Variants in CRTAP observed in about 807,000 individuals in gnomAD.
The protein encoded by CRTAP is cartilage-associated protein.
In CRTAP, 33 loss-of-function variants were observed where a neutral mutation model predicts 42.7. The observed-to-expected ratio is 0.77, with a 90% CI of 0.59 to 1.03. The LOEUF (loss-of-function observed/expected upper bound fraction) is 1.03, where lower values mean the gene tolerates loss of function less well. Among genes scored for constraint, CRTAP ranks in the 50% least tolerant of loss-of-function variants. The pLI is 0.00. For missense variants in CRTAP, 613 were observed against 533.9 expected (o/e 1.15, Z -1.46); for synonymous variants, 243 against 217.7 (o/e 1.12, Z -1.02).
Position 33,133,005 on chromosome 3 carries a change from G to GA in CRTAP, c.1068+305_1068+306insA, listed in dbSNP as rs11414035. ...AGGCAGAAGAATCGCTTGAACCCAGGGGCAGAGGTTGCTGTGAGCCGAGAT... is the reference window on the plus strand; with the variant it reads ...AGGCAGAAGAATCGCTTGAACCCAGGAGGCAGAGGTTGCTGTGAGCCGAGAT... On this transcript the variant is annotated intron_variant, in intron 5 of 6. Coordinates refer to ENST00000320954, the MANE Select transcript of CRTAP (RefSeq NM_006371.5). Among the ~76,000 whole-genome samples the GA allele has an allele frequency of 0.76, 115,008 of 151,200 alleles. 44,246 individuals carry two copies. Among genetic ancestry groups the GA allele is most frequent in the East Asian group, 0.96 (4,929 of 5,114 alleles).
At chr3:33,140,787 T>C (rs552921435) in intron 6 of CRTAP, among the ~76,000 whole-genome samples, 2 of 152,148 alleles carry the variant, frequency 1.3e-5, no homozygotes, top group Admixed American at 6.5e-5. Context: ...ATTGAGGGAG[T>C]GCTCTCAGGT....
At chr3:33,123,925 A>G (rs564585522) in intron 2 of CRTAP, among the ~76,000 whole-genome samples, 85 of 152,218 alleles carry the variant, frequency 5.6e-4, no homozygotes, top group African/African-American at 9.4e-4. Context: ...CATTTTAAAA[A>G]CCAGTTTTAT....
At chr3:33,138,369 A>G (rs992854393) in intron 6 of CRTAP, among the ~76,000 whole-genome samples, 1 of 152,170 alleles carries the variant, frequency 6.6e-6, no homozygotes, top group Non-Finnish European at 1.5e-5. Flanking sequence ...CTTCTAATCC[A>G]TGAACATGAG....
intron 3 of CRTAP, among the ~76,000 whole-genome samples, chr3:33,125,491 GTT>G (rs60498778): frequency 1.0e-3 from 30 of 30,134 alleles, no homozygotes; most frequent in African/African-American, 3.4e-3. Context: ...TACAAAGTAG[GTT>G]TTTTTTTTTT....
At chr3:33,119,881 A>G (rs1365134923) in intron 1 of CRTAP, among the ~76,000 whole-genome samples, 3 of 152,182 alleles carry the variant, frequency 2.0e-5, no homozygotes, top group African/African-American at 2.4e-5. Flanking sequence ...GGGAGACTCT[A>G]TGGAGAGGGT....
Sources: gnomAD v4.1 joint callset for allele counts (sites outside exome capture counted in the v4.1 genomes callset) on GRCh38, gnomAD v4.1.1 for gene constraint, MANE v1.5 for transcripts, NCBI Gene and HGNC (gene_info 2026-07-23, HGNC 2026-07-21) for gene names.